FAM89A: variants seen among roughly 807,000 people sequenced by gnomAD.
FAM89A encodes the protein protein FAM89A.
In FAM89A, 10 loss-of-function variants were observed where a neutral mutation model predicts 7.1. The ratio of observed to expected loss-of-function variants is 1.40; its 90% CI spans 0.86 to 2.38. FAM89A has a LOEUF of 2.38. FAM89A is among the 30% of genes most tolerant of loss of function. FAM89A has a pLI of 0.00. For synonymous variants in FAM89A, 157 were observed against 129.3 expected, an observed-to-expected ratio of 1.21 and a Z score of -1.45; for missense variants, 276 against 262.8, an observed-to-expected ratio of 1.05 and a Z score of -0.35.
At chr1:231,025,587 C>T (rs766408778) in intron 1 of FAM89A, among the ~76,000 whole-genome samples, 1 of 152,058 alleles carries the variant, frequency 6.6e-6, no homozygotes, top group Admixed American at 6.5e-5. Flanking sequence ...AAGGCAGACA[C>T]CACTGCTTGC....
At chr1:231,036,206 T>C (rs967735574) in intron 1 of FAM89A, among the ~76,000 whole-genome samples, 1 of 152,214 alleles carries the variant, frequency 6.6e-6, no homozygotes, top group Admixed American at 6.5e-5. Context: ...TAAGTTTCTA[T>C]TACTAATATA....
At chr1:231,039,789 C>A in intron 1 of FAM89A, 132 bp downstream of exon 1, 1 of 932,376 alleles carries the variant, frequency 1.1e-6, no homozygotes, top group Non-Finnish European at 1.4e-6. Context: ...AGGACGGCGC[C>A]GGCGCCTGGG....
chr1:231,036,929 CA>C (rs1055199385), intron 1 of FAM89A, among the ~76,000 whole-genome samples: 2 of 152,218 alleles, frequency 1.3e-5, no homozygotes, highest in African/African-American at 4.8e-5. Flanking sequence ...TATTAAGCTT[CA>C]AAACCTTGCT....
chr1:231,036,301 T>C (rs1331829159), intron 1 of FAM89A, among the ~76,000 whole-genome samples: 1 of 152,196 alleles, frequency 6.6e-6, no homozygotes, highest in African/African-American at 2.4e-5. Context: ...CCAGGTGTGA[T>C]AAGCCCCTTA....
chr1:231,035,890 C>T (rs1680150546), intron 1 of FAM89A, among the ~76,000 whole-genome samples: 1 of 152,240 alleles, frequency 6.6e-6, no homozygotes, highest in Non-Finnish European at 1.5e-5. Flanking sequence ...CATGCTCACA[C>T]CATCTTATTA....
intron 1 of FAM89A, among the ~76,000 whole-genome samples, chr1:231,034,672 T>C (rs1680129601): frequency 6.7e-6 from 1 of 149,504 alleles, no homozygotes; most frequent in Admixed American, 6.8e-5. Flanking sequence ...CTCAGGAGGC[T>C]GAGGCAGGAG....
chr1:231,021,327 G>A (rs1679873339), intron 1 of FAM89A, among the ~76,000 whole-genome samples: 1 of 152,232 alleles, frequency 6.6e-6, no homozygotes, highest in Non-Finnish European at 1.5e-5. Context: ...TCAATAAACA[G>A]GATTCTAATG....
At position 231,019,887 on chromosome 1, in the gene FAM89A, G is replaced by A. The variant is rs748402737; in HGVS notation, c.531C>T (p.Ser177=). 1.1e-5 allele frequency: 18 copies of A among 1,613,994 alleles called. No individual in the cohort carries two copies. The highest frequency in any genetic ancestry group is 2.7e-5 in the African/African-American group (2 of 74,920). The change falls in exon 2 of 2, where the codon AGC becomes AGT. Residue 177 remains serine, a synonymous_variant. Transcript: ENST00000366654. The part of the protein sequence containing the change: ...LSLPVSSLSS[S]DWILESI ...TCTAGATGGACTCCAGAATCCAGTC[G>A]CTGCTGGAGAGGGAGGAGACAGGCA...
intron 1 of FAM89A, among the ~76,000 whole-genome samples, chr1:231,037,070 A>ATG (rs577722482): frequency 6.1e-4 from 93 of 152,090 alleles, no homozygotes; most frequent in Non-Finnish European, 9.7e-4. Flanking sequence ...GTATATATGT[A>ATG]TGTGTGTGTG....
chr1:231,029,252 C>T (rs369437640), intron 1 of FAM89A, among the ~76,000 whole-genome samples: 3 of 152,314 alleles, frequency 2.0e-5, no homozygotes, highest in African/African-American at 7.2e-5. Flanking sequence ...CTTTGGGAGG[C>T]TGAGGCAGGA....
intron 1 of FAM89A, among the ~76,000 whole-genome samples, chr1:231,031,357 T>C (rs888642354): frequency 1.3e-5 from 2 of 152,186 alleles, no homozygotes; most frequent in Non-Finnish European, 2.9e-5. Context: ...AGTTGACTGC[T>C]GTTTAGTGTG....
chr1:231,021,901 T>C (rs934102401), intron 1 of FAM89A: 37 of 1,554,878 alleles, frequency 2.4e-5, no homozygotes, highest in Non-Finnish European at 3.1e-5. Flanking sequence ...GCAGTGACGA[T>C]GAGTTGTTGT....
At chr1:231,026,262 T>C (rs1457378737) in intron 1 of FAM89A, 2 of 153,226 alleles carry the variant, frequency 1.3e-5, no homozygotes, top group African/African-American at 4.8e-5. Context: ...AGGTGGTACA[T>C]GAGAAGGAAC....
At chr1:231,034,381 G>A (rs1365752230) in intron 1 of FAM89A, among the ~76,000 whole-genome samples, 1 of 152,222 alleles carries the variant, frequency 6.6e-6, no homozygotes, top group Non-Finnish European at 1.5e-5. Context: ...AAAGAGTGAA[G>A]TGGCTTGTCA....
At chr1:231,024,430 T>C (rs563409338) in intron 1 of FAM89A, among the ~76,000 whole-genome samples, 1 of 152,084 alleles carries the variant, frequency 6.6e-6, no homozygotes, top group African/African-American at 2.4e-5. Flanking sequence ...ACCCTCCAAC[T>C]TTTCTAAATT....
At chr1:231,039,229 C>T (rs999025503) in intron 1 of FAM89A, among the ~76,000 whole-genome samples, 6 of 152,244 alleles carry the variant, frequency 3.9e-5, no homozygotes, top group Admixed American at 2.0e-4. Flanking sequence ...GGAGCTTAGA[C>T]ACAAGGCGAA....
chr1:231,027,732 C>G (rs1201376446), intron 1 of FAM89A, among the ~76,000 whole-genome samples: 1 of 152,222 alleles, frequency 6.6e-6, no homozygotes, highest in Non-Finnish European at 1.5e-5. Context: ...GGCTTACGCC[C>G]TTGACTCCCA....
intron 1 of FAM89A, among the ~76,000 whole-genome samples, chr1:231,024,912 CTCT>C (rs1679938089): frequency 2.7e-5 from 3 of 110,086 alleles, no homozygotes; most frequent in Non-Finnish European, 3.8e-5. Flanking sequence ...ACCACAACTA[CTCT>C]TTTTTTTTTT....
chr1:231,039,400 C>T (rs10864656), intron 1 of FAM89A, among the ~76,000 whole-genome samples: 24,587 of 152,234 alleles, frequency 0.16, 2,490 homozygotes, highest in African/African-American at 0.29. Flanking sequence ...GGCCATCCCG[C>T]GGTAATCGGA....
Sources: allele counts gnomAD v4.1 joint callset (sites outside exome capture counted in the v4.1 genomes callset), GRCh38; gene constraint gnomAD v4.1.1; transcripts MANE v1.5; gene names NCBI Gene and HGNC (gene_info 2026-07-23, HGNC 2026-07-21).